Variants in ELOVL5 observed in about 807,000 individuals in gnomAD.
The protein encoded by ELOVL5 is very long chain fatty acid elongase 5.
Under a neutral mutation model 38.6 loss-of-function variants are expected in ELOVL5, and 8 were observed. The ratio of observed to expected loss-of-function variants is 0.21; its 90% CI spans 0.12 to 0.37. The LOEUF (loss-of-function observed/expected upper bound fraction) is 0.37, where lower values mean the gene tolerates loss of function less well. Ranked by LOEUF, ELOVL5 falls within the 10% of genes least tolerant of loss-of-function variation. The probability of loss-of-function intolerance (pLI) is 1.00; values close to 1 mark genes in which losing one functional copy is unlikely to be tolerated. For synonymous variants in ELOVL5, 127 were observed against 133.7 expected (o/e 0.95, Z 0.34); for missense variants, 280 against 367.8 (o/e 0.76, Z 1.95).
chr6:53,280,308 G>A (rs960339492), intron 3 of ELOVL5, among the ~76,000 whole-genome samples: 3 of 152,110 alleles, frequency 2.0e-5, no homozygotes, highest in African/African-American at 4.8e-5. Flanking sequence ...CCATACCACT[G>A]CCAACTCCAA....
At chr6:53,293,834 A>C (rs1581941711) in intron 2 of ELOVL5, among the ~76,000 whole-genome samples, 2 of 151,478 alleles carry the variant, frequency 1.3e-5, no homozygotes, top group African/African-American at 2.4e-5. Context: ...TGCCCTCCAC[A>C]CCCTCCCCAC....
At chr6:53,325,829 T>C (rs1344495582) in intron 1 of ELOVL5, among the ~76,000 whole-genome samples, 1 of 152,218 alleles carries the variant, frequency 6.6e-6, no homozygotes, top group Non-Finnish European at 1.5e-5. Flanking sequence ...TCGACTTTAT[T>C]AAGCAGCCAT....
intron 1 of ELOVL5, among the ~76,000 whole-genome samples, chr6:53,305,485 G>A (rs1487419543): frequency 2.8e-4 from 42 of 147,842 alleles, no homozygotes; most frequent in Non-Finnish European, 4.0e-4. Flanking sequence ...CTTCTCAGAC[G>A]GGGCAGTTGC....
intron 3 of ELOVL5, among the ~76,000 whole-genome samples, chr6:53,287,482 G>A (rs921396258): frequency 6.6e-6 from 1 of 152,148 alleles, no homozygotes; most frequent in African/African-American, 2.4e-5. Context: ...ATGCTAAGGG[G>A]CACATCATGA....
At chr6:53,282,809 A>G (rs1283872171) in intron 3 of ELOVL5, among the ~76,000 whole-genome samples, 2 of 152,202 alleles carry the variant, frequency 1.3e-5, no homozygotes, top group East Asian at 3.8e-4. Context: ...CAGGTTGCTT[A>G]AGTGTTTTTC....
rs149271133 is a variant in ELOVL5, at chr6:53,318,324, G to A, written c.-8-22617C>T. On this transcript the variant is annotated intron_variant, in intron 1 of 7. Coordinates refer to ENST00000304434, the MANE Select transcript of ELOVL5 (RefSeq NM_021814.5). Reference sequence around the variant, plus strand: ...ATGATTAAGTGGAGTGATCCTGGGCGAGTACATGTCTGAAAACCTCAATCT... The same window carrying A: ...ATGATTAAGTGGAGTGATCCTGGGCAAGTACATGTCTGAAAACCTCAATCT... Among the ~76,000 whole-genome samples the A allele has an allele frequency of 1.8e-3, 271 of 152,256 alleles. 1 individual carries two copies. Among genetic ancestry groups the A allele is most frequent in the Non-Finnish European group, 3.0e-3 (203 of 68,022 alleles).
intron 1 of ELOVL5, among the ~76,000 whole-genome samples, chr6:53,319,648 T>C (rs981044934): frequency 6.6e-5 from 10 of 152,226 alleles, no homozygotes; most frequent in African/African-American, 2.4e-4. Context: ...TCCTTCTTGA[T>C]TGGTCCCAAA....
At chr6:53,345,044 T>C (rs209520) in intron 1 of ELOVL5, among the ~76,000 whole-genome samples, 140,154 of 152,266 alleles carry the variant, frequency 0.92, 64,837 homozygotes, top group African/African-American at 0.98. Flanking sequence ...AGATTTAACT[T>C]CACTTCCCTG....
chr6:53,295,312 T>G (rs1766948497), intron 2 of ELOVL5, among the ~76,000 whole-genome samples: 1 of 152,226 alleles, frequency 6.6e-6, no homozygotes, highest in African/African-American at 2.4e-5. Flanking sequence ...TTTAAACTCC[T>G]ATTGCAACAC....
At chr6:53,290,660 AC>A (rs946086795) in intron 3 of ELOVL5, 3 of 152,382 alleles carry the variant, frequency 2.0e-5, no homozygotes, top group African/African-American at 7.2e-5. Flanking sequence ...GGCTTATGAA[AC>A]ATACATGGGA....
chr6:53,290,871 T>C (rs1341111408), intron 3 of ELOVL5, among the ~76,000 whole-genome samples: 1 of 152,122 alleles, frequency 6.6e-6, no homozygotes, highest in East Asian at 1.9e-4. Context: ...ACCTCTACCT[T>C]CTTCTTTACT....
chr6:53,273,359 G>C lies in ELOVL5; in HGVS notation c.497-15C>G, dbSNP rs778888196. 3 of 1,612,766 alleles carry C rather than the reference G, an allele frequency of 1.9e-6. No homozygotes were observed. In the East Asian group the frequency reaches 6.7e-5, roughly 36 times the overall value. On this transcript the variant is annotated splice_polypyrimidine_tract_variant and intron_variant, in intron 5 of 7. Transcript: ENST00000304434. ...ACCAAAATAAGCTGCAGGAACAGAG[G>C]GATTTGGGAAGGAGAATGTATTAGT...
At chr6:53,348,023 C>CCA (rs1554141179) in intron 1 of ELOVL5, among the ~76,000 whole-genome samples, 1 of 36,062 alleles carries the variant, frequency 2.8e-5, no homozygotes, top group Non-Finnish European at 1.0e-4. Context: ...AGCACAACCG[C>CCA]CCCCCCGCCG....
chr6:53,332,348 A>C (rs1055459400), intron 1 of ELOVL5, among the ~76,000 whole-genome samples: 2 of 152,240 alleles, frequency 1.3e-5, no homozygotes, highest in Non-Finnish European at 2.9e-5. Flanking sequence ...GAGTTTCTTT[A>C]GCCACAGCAT....
chr6:53,270,759 G>A (rs1343354556), intron 6 of ELOVL5, 32 bp from the exon 7 acceptor site: 1 of 1,613,460 alleles, frequency 6.2e-7, no homozygotes, highest in African/African-American at 1.3e-5. Flanking sequence ...AGCTGAACAG[G>A]GACAGTGCAT....
chr6:53,286,525 C>T (rs760999267), intron 3 of ELOVL5, among the ~76,000 whole-genome samples: 4 of 152,082 alleles, frequency 2.6e-5, no homozygotes, highest in Non-Finnish European at 5.9e-5. Flanking sequence ...TATGATTGTG[C>T]CACTGAACTC....
chr6:53,281,821 T>C (rs1322236741), intron 3 of ELOVL5, among the ~76,000 whole-genome samples: 1 of 98,698 alleles, frequency 1.0e-5, no homozygotes, highest in Non-Finnish European at 1.9e-5. Flanking sequence ...CCTCCACAGG[T>C]GTTTTTTTTT....
At chr6:53,270,300 C>T (rs1765873732) in intron 7 of ELOVL5, among the ~76,000 whole-genome samples, 1 of 152,192 alleles carries the variant, frequency 6.6e-6, no homozygotes, top group African/African-American at 2.4e-5. Context: ...TTGAAATCAC[C>T]TCTCACGTCT....
intron 1 of ELOVL5, among the ~76,000 whole-genome samples, chr6:53,335,934 A>G (rs1769046883): frequency 1.3e-5 from 2 of 152,338 alleles, no homozygotes; most frequent in South Asian, 4.1e-4. Context: ...TGACAGACGT[A>G]TGATGAGCAA....
Sources: gnomAD v4.1 joint callset for allele counts (sites outside exome capture counted in the v4.1 genomes callset) on GRCh38, gnomAD v4.1.1 for gene constraint, MANE v1.5 for transcripts, NCBI Gene and HGNC (gene_info 2026-07-23, HGNC 2026-07-21) for gene names.